WDFY2: variants seen among roughly 807,000 people sequenced by gnomAD.
WDFY2 encodes WD repeat and FYVE domain containing 2.
A neutral mutation model predicts 56.4 loss-of-function variants in WDFY2; 36 were observed. The observed-to-expected ratio is 0.64, with a 90% CI of 0.49 to 0.84. The LOEUF is 0.84. Among genes scored for constraint, WDFY2 ranks in the 40% least tolerant of loss-of-function variants. The probability of loss-of-function intolerance (pLI) is 0.00; values close to 1 mark genes in which losing one functional copy is unlikely to be tolerated. For synonymous variants in WDFY2, 176 were observed against 183.7 expected (o/e 0.96, Z 0.34); for missense variants, 444 against 512.2 (o/e 0.87, Z 1.29).
intron 8 of WDFY2, chr13:51,752,956 G>A (rs929095395): frequency 9.2e-5 from 14 of 152,220 alleles, no homozygotes; most frequent in African/African-American, 3.4e-4. Flanking sequence ...CTAACCTGAA[G>A]TACTGACAGA....
Position 51,742,435 on chromosome 13 carries a change from G to A in WDFY2, c.725+3260G>A, listed in dbSNP as rs1247090693. On this transcript the variant is annotated intron_variant, in intron 7 of 11. Transcript: ENST00000298125. Reference sequence around the variant, plus strand: ...TGCTGTGCTAGCTCTGTGGGAGGAAGGGCAAAAAAAAAAAGGTTCCAGATT... The same window carrying A: ...TGCTGTGCTAGCTCTGTGGGAGGAAAGGCAAAAAAAAAAAGGTTCCAGATT... Among the ~76,000 whole-genome samples the A allele has an allele frequency of 6.7e-5, 10 of 148,422 alleles. No individual in the cohort carries two copies. The Middle Eastern group carries it at 0.01, about 151-fold the overall frequency.
chr13:51,689,223 G>A (rs541770655), intron 3 of WDFY2, among the ~76,000 whole-genome samples: 13 of 152,224 alleles, frequency 8.5e-5, no homozygotes, highest in Admixed American at 5.9e-4. Flanking sequence ...TTGGGGAACC[G>A]GGGGTGGGAG....
chr13:51,687,053 A>G (rs1442599841), intron 3 of WDFY2, among the ~76,000 whole-genome samples: 3 of 150,248 alleles, frequency 2.0e-5, no homozygotes, highest in African/African-American at 7.3e-5. Flanking sequence ...ATTTATATAT[A>G]TATATATAAA....
chr13:51,644,313 C>G (rs1441432667), intron 1 of WDFY2, among the ~76,000 whole-genome samples: 2 of 152,222 alleles, frequency 1.3e-5, no homozygotes, highest in African/African-American at 4.8e-5. Context: ...TTCCTTCCCC[C>G]TCTCGAGGGT....
At chr13:51,656,595 T>C (rs1327703409) in intron 1 of WDFY2, among the ~76,000 whole-genome samples, 1 of 152,056 alleles carries the variant, frequency 6.6e-6, no homozygotes, top group Non-Finnish European at 1.5e-5. Context: ...CCAATTATTG[T>C]AGAACTCTCT....
In WDFY2 at chr13:51,641,780, C is replaced by A. The variant is rs866170322; in HGVS notation, c.138-18816C>A. ...GGCGGAGCTTGCAGTGAGCCGAGAT[C>A]CCGCCACTGCACTCCAGCCTGGGCG... On this transcript the variant is annotated intron_variant, in intron 1 of 11. Transcript: ENST00000298125. Among the ~76,000 whole-genome samples, 518 of 144,674 alleles carry A rather than the reference C, an allele frequency of 3.6e-3. 4 individuals are homozygous for A. The highest frequency in any genetic ancestry group is 0.013 in the African/African-American group (487 of 38,588). The allele number at this position is 144,674 out of a possible 152,430, so 94.9% of individuals were successfully genotyped here.
At chr13:51,714,900 T>C (rs551788117) in intron 4 of WDFY2, among the ~76,000 whole-genome samples, 1 of 152,350 alleles carries the variant, frequency 6.6e-6, no homozygotes, top group East Asian at 1.9e-4. Flanking sequence ...CTCCCTAGGC[T>C]TGCACACCTG....
At chr13:51,652,974 C>T (rs1293059075) in intron 1 of WDFY2, among the ~76,000 whole-genome samples, 2 of 152,174 alleles carry the variant, frequency 1.3e-5, no homozygotes, top group Admixed American at 6.5e-5. Context: ...TGGGGAAGTT[C>T]TCCTGGATAA....
rs137870170 is a variant in WDFY2 at position 51,721,047 on chromosome 13, G to C, written c.485+1699G>C. Among the ~76,000 whole-genome samples, 753 of 151,872 alleles carry C rather than the reference G, an allele frequency of 5.0e-3. 5 individuals carry two copies. Among genetic ancestry groups the C allele is most frequent in the African/African-American group, 0.014 (591 of 41,390 alleles). On this transcript the variant is annotated intron_variant, in intron 5 of 11. Transcript: ENST00000298125. ...ATGTGTTAATTAATTTGACCATGAT[G>C]ATTATTACACAGTGTGTATGTATAT... is the stretch of plus-strand genomic sequence containing the variant.
intron 1 of WDFY2, chr13:51,598,352 C>T (rs1954194322): frequency 6.6e-6 from 1 of 152,176 alleles, no homozygotes; most frequent in Non-Finnish European, 1.5e-5. Flanking sequence ...GAGCGAGACT[C>T]TGTCTCAAAA....
At chr13:51,655,086 C>G (rs373089844) in intron 1 of WDFY2, among the ~76,000 whole-genome samples, 1 of 152,228 alleles carries the variant, frequency 6.6e-6, no homozygotes, top group African/African-American at 2.4e-5. Flanking sequence ...TAATTAGCTT[C>G]AGTCGTTTTT....
intron 3 of WDFY2, among the ~76,000 whole-genome samples, chr13:51,684,130 A>AG (rs1956021863): frequency 6.6e-6 from 1 of 152,136 alleles, no homozygotes; most frequent in Non-Finnish European, 1.5e-5. Context: ...TTAGACCTTA[A>AG]GCTCATTGAA....
chr13:51,584,581 G>C lies in WDFY2; in HGVS notation c.-107G>C, dbSNP rs1953897671. ...TCGCCGGTTTCCGGCGTTCCGCTCC[G>C]GCCAGCCAGAGTCTCTGTCTCAACC... is the stretch of plus-strand genomic sequence containing the variant. On this transcript the variant is annotated 5_prime_UTR_variant, in exon 1 of 12. Transcript: ENST00000298125. 5 of 1,404,314 alleles carry C rather than the reference G, an allele frequency of 3.6e-6. No individual in the cohort carries two copies. The Admixed American group carries it at 1.1e-4, about 31-fold the overall frequency. The allele number at this position is 1,404,314 out of a possible 1,614,324, so 87.0% of individuals were successfully genotyped here.
Position 51,763,838 on chromosome 13 carries a change from A to T in WDFY2, c.*4069A>T, listed in dbSNP as rs952517596. On this transcript the variant is annotated 3_prime_UTR_variant, in exon 12 of 12. Transcript: ENST00000298125. ...AATTTATTTTTGCCTGATATTAATCACTTCTTAAGGCCCAAATTTTTGTTT... is the reference window on the plus strand; with the variant it reads ...AATTTATTTTTGCCTGATATTAATCTCTTCTTAAGGCCCAAATTTTTGTTT... 2 of 152,198 alleles carry T rather than the reference A, an allele frequency of 1.3e-5. No individual in the cohort carries two copies. Among genetic ancestry groups the T allele is most frequent in the Admixed American group, 1.3e-4 (2 of 15,288 alleles). The allele number at this position is 152,198 out of a possible 1,614,324, so 9.4% of individuals were successfully genotyped here.
intron 5 of WDFY2, among the ~76,000 whole-genome samples, chr13:51,723,056 A>G: frequency 6.6e-6 from 1 of 152,168 alleles, no homozygotes; most frequent in Non-Finnish European, 1.5e-5. Flanking sequence ...ATTTCTGTTC[A>G]GGTAAAGAGT....
Position 51,755,434 on chromosome 13 carries a change from A to G in WDFY2, c.908A>G (p.Asp303Gly). The change falls in exon 9 of 12, where the codon GAC (aspartate) becomes GGC (glycine). Residue 303 changes from aspartate (D) to glycine (G), a missense_variant. Coordinates refer to ENST00000298125, the MANE Select transcript of WDFY2 (RefSeq NM_052950.4). ...PFFWNFKQMW[D>G]SKKIGLRQHH... Reference sequence around the variant, plus strand: ...TTCTGGAACTTCAAGCAAATGTGGGACAGTAAGAAAATTGGTCTAAGACAG... The same window carrying G: ...TTCTGGAACTTCAAGCAAATGTGGGGCAGTAAGAAAATTGGTCTAAGACAG... The G allele has an allele frequency of 1.2e-6, 2 of 1,614,218 alleles. No individual in the cohort carries two copies. Among genetic ancestry groups the G allele is most frequent in the South Asian group, 2.2e-5 (2 of 91,086 alleles).
chr13:51,652,435 G>T (rs946046227), intron 1 of WDFY2, among the ~76,000 whole-genome samples: 1 of 152,192 alleles, frequency 6.6e-6, no homozygotes, highest in African/African-American at 2.4e-5. Flanking sequence ...GTGTGAATTT[G>T]ATCCTGTCAT....
At chr13:51,753,157 G>T (rs1339390664) in intron 8 of WDFY2, 1 of 152,258 alleles carries the variant, frequency 6.6e-6, no homozygotes, top group Non-Finnish European at 1.5e-5. Context: ...ACAGAGTCTG[G>T]ATGTGCTCTG....
At chr13:51,702,121 G>A (rs1951997610) in intron 3 of WDFY2, among the ~76,000 whole-genome samples, 1 of 152,076 alleles carries the variant, frequency 6.6e-6, no homozygotes, top group Admixed American at 6.6e-5. Context: ...AGACCAGCCT[G>A]GCCAACATGG....
Sources: gnomAD v4.1 joint callset for allele counts (sites outside exome capture counted in the v4.1 genomes callset) on GRCh38, gnomAD v4.1.1 for gene constraint, MANE v1.5 for transcripts, NCBI Gene and HGNC (gene_info 2026-07-23, HGNC 2026-07-21) for gene names.